The following SCML4 variants were observed in gnomAD, a reference collection of about 807,000 sequenced individuals.
SCML4 encodes Scm polycomb group protein like 4.
In SCML4, 34 loss-of-function variants were observed where a neutral mutation model predicts 41.1. The observed-to-expected ratio is 0.83, with a 90% CI of 0.63 to 1.10. The LOEUF (loss-of-function observed/expected upper bound fraction) is 1.10, where lower values mean the gene tolerates loss of function less well. SCML4 is among the 50% of genes least tolerant of loss of function. The pLI, the probability that SCML4 is intolerant of heterozygous loss-of-function variation, is 0.00. For missense variants in SCML4, 522 were observed against 534.1 expected (o/e 0.98, Z 0.22); for synonymous variants, 214 against 220.9 (o/e 0.97, Z 0.28).
intron 5 of SCML4, among the ~76,000 whole-genome samples, chr6:107,732,595 T>C (rs938230207): frequency 6.6e-6 from 1 of 152,196 alleles, no homozygotes; most frequent in Non-Finnish European, 1.5e-5. Context: ...CCTTTGGAAA[T>C]TTTGACCAAA....
the SCML4 span, among the ~76,000 whole-genome samples, chr6:107,839,356 A>AGAAGGAAAGAAG: frequency 1.1e-5 from 1 of 88,208 alleles, no homozygotes; most frequent in African/African-American, 4.5e-5. Flanking sequence ...AAAGAAAGAA[A>AGAAGGAAAGAAG]GAAAGAAAGA....
intron 1 of SCML4, among the ~76,000 whole-genome samples, chr6:107,821,324 A>G (rs1314920228): frequency 2.0e-5 from 3 of 152,158 alleles, no homozygotes; most frequent in African/African-American, 4.8e-5. Context: ...GGCAATGAAA[A>G]CATTAAAAAA....
chr6:107,820,550 G>A (rs570059648), intron 1 of SCML4, among the ~76,000 whole-genome samples: 2 of 152,290 alleles, frequency 1.3e-5, no homozygotes, highest in Non-Finnish European at 1.5e-5. Context: ...TGGCCCTCTT[G>A]CCCAAAGCAC....
intron 2 of SCML4, among the ~76,000 whole-genome samples, chr6:107,759,286 C>T (rs115053741): frequency 2.6e-5 from 4 of 152,010 alleles, no homozygotes; most frequent in Admixed American, 6.6e-5. Context: ...GCCGAGATTG[C>T]GCCACTGCAC....
chr6:107,775,664 G>A (rs1780884154), intron 1 of SCML4, among the ~76,000 whole-genome samples: 1 of 152,076 alleles, frequency 6.6e-6, no homozygotes, highest in South Asian at 2.1e-4. Context: ...GGACAGATGG[G>A]TATTTTTAAA....
chr6:107,723,485 T>A (rs551173153), intron 5 of SCML4, among the ~76,000 whole-genome samples: 1 of 152,186 alleles, frequency 6.6e-6, no homozygotes, highest in African/African-American at 2.4e-5. Context: ...CACCATAAAG[T>A]GAAAAAAATC....
At chr6:107,839,368 G>GGAAGGAAAGAAA in the SCML4 span, among the ~76,000 whole-genome samples, 2 of 52,468 alleles carry the variant, frequency 3.8e-5, no homozygotes, top group African/African-American at 1.4e-4. Flanking sequence ...AAAGAAAGAA[G>GGAAGGAAAGAAA]GAAAGAAAGA....
At chr6:107,805,702 C>G (rs1301823906) in intron 1 of SCML4, among the ~76,000 whole-genome samples, 4 of 152,202 alleles carry the variant, frequency 2.6e-5, no homozygotes, top group Non-Finnish European at 4.4e-5. Flanking sequence ...TCCAACTTAG[C>G]TCAGCGAAGA....
intron 2 of SCML4, among the ~76,000 whole-genome samples, chr6:107,757,507 G>C (rs200085214): frequency 1.3e-5 from 2 of 152,270 alleles, no homozygotes; most frequent in Non-Finnish European, 2.9e-5. Context: ...AACAAAGCAA[G>C]ATTTTAAAAT....
chr6:107,822,210 T>C (rs1166224467), intron 1 of SCML4, among the ~76,000 whole-genome samples: 3 of 152,218 alleles, frequency 2.0e-5, no homozygotes, highest in Admixed American at 2.0e-4. Context: ...TTTTTTAAAG[T>C]CAATATTGTT....
At chr6:107,751,106 C>A (rs1778581360) in intron 2 of SCML4, among the ~76,000 whole-genome samples, 1 of 152,166 alleles carries the variant, frequency 6.6e-6, no homozygotes, top group Non-Finnish European at 1.5e-5. Flanking sequence ...ATACAAAAAT[C>A]TTTGGCCTCA....
upstream of SCML4, among the ~76,000 whole-genome samples, chr6:107,824,506 GTGTGTGTGTGTT>G (rs1378488319): frequency 3.5e-5 from 4 of 113,348 alleles, no homozygotes; most frequent in South Asian, 2.7e-4. Flanking sequence ...GTGTGTGTGT[GTGTGTGTGTGTT>G]TTGTGTTTCC....
intron 2 of SCML4, among the ~76,000 whole-genome samples, chr6:107,752,010 A>C (rs1462642979): frequency 6.6e-6 from 1 of 152,188 alleles, no homozygotes; most frequent in Non-Finnish European, 1.5e-5. Context: ...ACAGTAGCTG[A>C]GAGATGACAG....
rs964186271 is a variant in SCML4 at position 107,720,282 on chromosome 6, T to C, written c.973+421A>G. ...CAGATTGCAGGGAAGCACCTGTGTC[T>C]TCTCCACACCTTCTTTCCCTTTCTA... is the stretch of plus-strand genomic sequence containing the variant. On this transcript the variant is annotated intron_variant, in intron 6 of 7. Coordinates refer to ENST00000369020, the MANE Select transcript of SCML4 (RefSeq NM_198081.5). The C allele has an allele frequency of 7.7e-6, 6 of 776,852 alleles. No individual in the cohort carries two copies. The African/African-American group carries it at 1.1e-4, about 15-fold the overall frequency. The allele number at this position is 776,852 out of a possible 1,614,324, so 48.1% of individuals were successfully genotyped here.
chr6:107,729,537 C>T (rs1375071475), intron 5 of SCML4, among the ~76,000 whole-genome samples: 1 of 152,100 alleles, frequency 6.6e-6, no homozygotes, highest in Admixed American at 6.6e-5. Context: ...TCCAGATACC[C>T]GAGAATTTGA....
the SCML4 span, among the ~76,000 whole-genome samples, chr6:107,836,837 A>G: frequency 6.6e-6 from 1 of 152,114 alleles, no homozygotes; most frequent in Non-Finnish European, 1.5e-5. Context: ...CCTTGTGTAC[A>G]TGTCTTGTTA....
the SCML4 span, among the ~76,000 whole-genome samples, chr6:107,834,363 G>C: frequency 1.3e-5 from 2 of 152,316 alleles, no homozygotes; most frequent in South Asian, 2.1e-4. Flanking sequence ...ACCGAAAACA[G>C]AATTCAGAGA....
the SCML4 span, among the ~76,000 whole-genome samples, chr6:107,836,282 G>A: frequency 3.9e-5 from 6 of 152,150 alleles, no homozygotes; most frequent in Non-Finnish European, 4.4e-5. Context: ...GAAGCACTCC[G>A]AAGACATACA....
chr6:107,837,445 C>A, the SCML4 span, among the ~76,000 whole-genome samples: 1 of 152,190 alleles, frequency 6.6e-6, no homozygotes, highest in Non-Finnish European at 1.5e-5. Flanking sequence ...AGGCCGAATG[C>A]ACTTCCAATC....
Sources: gnomAD v4.1 joint callset for allele counts (sites outside exome capture counted in the v4.1 genomes callset) on GRCh38, gnomAD v4.1.1 for gene constraint, MANE v1.5 for transcripts, NCBI Gene and HGNC (gene_info 2026-07-23, HGNC 2026-07-21) for gene names.